Variants in AGBL4 observed in about 807,000 individuals in gnomAD.
AGBL4 encodes the protein cytosolic carboxypeptidase 6.
AGBL4 carries 58 observed loss-of-function variants against 66.4 expected under a neutral mutation model. That is an observed-to-expected ratio of 0.87 (90% confidence interval 0.71 to 1.09). The LOEUF (loss-of-function observed/expected upper bound fraction) is 1.09, where lower values mean the gene tolerates loss of function less well. Among genes scored for constraint, AGBL4 ranks in the 50% least tolerant of loss-of-function variants. AGBL4 has a pLI of 0.00. For synonymous variants in AGBL4, 234 were observed against 222.9 expected (o/e 1.05, Z -0.44); for missense variants, 579 against 631.0 (o/e 0.92, Z 0.88).
At position 49,836,889 on chromosome 1, in the gene AGBL4, C is replaced by T. The variant is rs373074274; in HGVS notation, c.157+14507G>A. ...GAAGGTCCATTCCAGACCCATTTGC[C>T]TGAGTATCACCAGCGGAGGCTGCAG... On this transcript the variant is annotated intron_variant, in intron 2 of 13. Coordinates refer to ENST00000371839, the MANE Select transcript of AGBL4 (RefSeq NM_032785.4). 3.2e-4 allele frequency among the ~76,000 whole-genome samples: 49 copies of T among 152,264 alleles called. 1 individual carries two copies. In the South Asian group the frequency reaches 9.3e-3, roughly 29 times the overall value.
intron 3 of AGBL4, among the ~76,000 whole-genome samples, chr1:49,301,711 T>C (rs1644747598): frequency 6.6e-6 from 1 of 152,200 alleles, no homozygotes; most frequent in Admixed American, 6.5e-5. Flanking sequence ...ACATCACTAT[T>C]ATGAAACCTA....
At chr1:48,852,978 AG>A (rs1647066909) in intron 6 of AGBL4, among the ~76,000 whole-genome samples, 1 of 152,196 alleles carries the variant, frequency 6.6e-6, no homozygotes, top group Admixed American at 6.5e-5. Context: ...ATCCTTGTCT[AG>A]TTTCCTCCCA....
rs1267828779 is a variant in AGBL4 at position 49,391,268 on chromosome 1, G to A, written c.283-145404C>T. Among the ~76,000 whole-genome samples, 7 of 152,166 alleles carry A rather than the reference G, an allele frequency of 4.6e-5. No homozygotes were observed. In the East Asian group the frequency reaches 1.4e-3, roughly 29 times the overall value. On this transcript the variant is annotated intron_variant, in intron 3 of 13. Coordinates refer to ENST00000371839, the MANE Select transcript of AGBL4 (RefSeq NM_032785.4). ...ATAAGAATCTAGACTTTATCCTGAG[G>A]TTAGTGAAAAGACATCACAGGGTTT...
chr1:49,057,541 G>T (rs1644329231), intron 4 of AGBL4, among the ~76,000 whole-genome samples: 1 of 152,078 alleles, frequency 6.6e-6, no homozygotes, highest in African/African-American at 2.4e-5. Flanking sequence ...TACTTCCTCA[G>T]ATGCACCCAC....
chr1:48,906,977 T>C (rs1213864639), intron 5 of AGBL4, among the ~76,000 whole-genome samples: 2 of 152,222 alleles, frequency 1.3e-5, no homozygotes, highest in East Asian at 3.9e-4. Context: ...CCTGCAGAGG[T>C]ATGGAATATG....
intron 1 of AGBL4, among the ~76,000 whole-genome samples, chr1:50,018,386 C>G (rs1662152161): frequency 6.6e-6 from 1 of 152,056 alleles, no homozygotes. Context: ...ATGGTGAACA[C>G]TATCAATGAA....
At chr1:49,654,191 T>A (rs1256515398) in intron 3 of AGBL4, among the ~76,000 whole-genome samples, 2 of 151,998 alleles carry the variant, frequency 1.3e-5, no homozygotes, top group Non-Finnish European at 2.9e-5. Context: ...AAGAAAAAAA[T>A]GTCCAGGAGC....
At chr1:49,616,836 A>G (rs1439797974) in intron 3 of AGBL4, among the ~76,000 whole-genome samples, 1 of 152,036 alleles carries the variant, frequency 6.6e-6, no homozygotes, top group African/African-American at 2.4e-5. Flanking sequence ...AATCCAATCA[A>G]CGAATCTATT....
chr1:48,892,351 T>C (rs1651051178), intron 5 of AGBL4, among the ~76,000 whole-genome samples: 1 of 152,236 alleles, frequency 6.6e-6, no homozygotes, highest in Non-Finnish European at 1.5e-5. Context: ...CAAAGACCTT[T>C]TCTCTTTTTT....
intron 3 of AGBL4, among the ~76,000 whole-genome samples, chr1:49,668,793 C>T (rs531955894): frequency 6.6e-6 from 1 of 152,286 alleles, no homozygotes; most frequent in South Asian, 2.1e-4. Flanking sequence ...GCTAAACCAT[C>T]AACTAAGACA....
chr1:48,572,370 T>C (rs1644579291), intron 11 of AGBL4, among the ~76,000 whole-genome samples: 1 of 151,660 alleles, frequency 6.6e-6, no homozygotes, highest in Non-Finnish European at 1.5e-5. Context: ...TTTAGTGCAA[T>C]GCATTTCCAC....
chr1:48,741,985 C>T (rs550231900), intron 6 of AGBL4, among the ~76,000 whole-genome samples: 4 of 152,284 alleles, frequency 2.6e-5, no homozygotes, highest in East Asian at 1.9e-4. Flanking sequence ...TTTTCACGAG[C>T]GATTCCATTA....
intron 2 of AGBL4, chr1:49,844,803 C>A: frequency 6.4e-7 from 1 of 1,559,110 alleles, no homozygotes; most frequent in Middle Eastern, 1.7e-4. Context: ...GTCTGTGGTA[C>A]TGCAGGGGTG....
In AGBL4 at chr1:49,023,597, C is replaced by T. The variant is rs901224879; in HGVS notation, c.594+21987G>A. Among the ~76,000 whole-genome samples the T allele has an allele frequency of 2.0e-5, 3 of 152,258 alleles. 1 individual carries two copies. Among genetic ancestry groups the T allele is most frequent in the South Asian group, 2.1e-4 (1 of 4,828 alleles). The stretch of plus-strand genomic sequence containing the variant: ...TGAGCACTCTTAATATGACAGCACT[C>T]TACTATATTAACTCTAATTGCAACC... On this transcript the variant is annotated intron_variant, in intron 5 of 13. Coordinates refer to ENST00000371839, the MANE Select transcript of AGBL4 (RefSeq NM_032785.4).
Position 48,736,194 on chromosome 1 carries a change from T to A in AGBL4, c.635-72953A>T, listed in dbSNP as rs551377004. The A allele has an allele frequency of 1.3e-6, 2 of 1,566,256 alleles. No homozygotes were observed. Among genetic ancestry groups the A allele is most frequent in the Non-Finnish European group, 1.8e-6 (2 of 1,136,804 alleles). On this transcript the variant is annotated intron_variant, in intron 6 of 13. Coordinates refer to ENST00000371839, the MANE Select transcript of AGBL4 (RefSeq NM_032785.4). The surrounding 1 kb of genome is among the most constrained non-coding windows in gnomAD (Gnocchi z 4.0). ...TGTGCCTAACACATTCTTGACAGAG[T>A]AAAAGACAGAATCCCAGCCATTGTG...
intron 3 of AGBL4, among the ~76,000 whole-genome samples, chr1:49,544,493 A>C (rs1402012370): frequency 6.6e-6 from 1 of 152,220 alleles, no homozygotes; most frequent in Non-Finnish European, 1.5e-5. Context: ...TGGTATGTAT[A>C]TTCAGATATA....
chr1:49,226,046 G>A (rs918730958), intron 4 of AGBL4, among the ~76,000 whole-genome samples: 2 of 152,178 alleles, frequency 1.3e-5, no homozygotes, highest in Admixed American at 6.5e-5. Context: ...GGGAGATTAA[G>A]TAGTTTGTCT....
chr1:49,930,121 T>C (rs971298945), intron 1 of AGBL4, among the ~76,000 whole-genome samples: 1 of 152,064 alleles, frequency 6.6e-6, no homozygotes, highest in Admixed American at 6.6e-5. Flanking sequence ...TTTTTTAGAA[T>C]GAGATACTGA....
At chr1:48,789,434 G>A (rs988170733) in intron 6 of AGBL4, among the ~76,000 whole-genome samples, 16 of 151,832 alleles carry the variant, frequency 1.1e-4, no homozygotes, top group Non-Finnish European at 1.8e-4. Flanking sequence ...GACTACAGGC[G>A]CCCGCCACCA....
Sources: gnomAD v4.1 joint callset for allele counts (sites outside exome capture counted in the v4.1 genomes callset) on GRCh38, gnomAD v4.1.1 for gene constraint, Gnocchi (gnomAD v3.1) non-coding constraint, MANE v1.5 for transcripts, NCBI Gene and HGNC (gene_info 2026-07-23, HGNC 2026-07-21) for gene names.